The following COL11A2 variants were observed in gnomAD, a reference collection of about 807,000 sequenced individuals.
COL11A2 encodes collagen type XI alpha 2 chain, also known as collagen alpha-2(XI) chain.
A neutral mutation model predicts 273.4 loss-of-function variants in COL11A2; 116 were observed. The observed-to-expected ratio is 0.42, with a 90% confidence interval of 0.36 to 0.49. COL11A2 has a LOEUF of 0.49. Among genes scored for constraint, COL11A2 ranks in the 20% least tolerant of loss-of-function variants. The pLI, the probability that COL11A2 is intolerant of heterozygous loss-of-function variation, is 0.00. For synonymous variants in COL11A2, 782 were observed against 864.2 expected (o/e 0.90, Z 1.67); for missense variants, 1,866 against 2,309.0 (o/e 0.81, Z 3.93).
rs1771231847 is a variant in COL11A2, at chr6:33,178,435, C to T, written c.1773G>A (p.Arg591=). The T allele has an allele frequency of 3.7e-6, 6 of 1,612,760 alleles. No individual in the cohort carries two copies. The highest frequency in any genetic ancestry group is 1.1e-5 in the South Asian group (1 of 91,080). The part of the protein sequence containing the change: ...LPGPPGEDGE[R]GDDGEIGPRG... ...CCCCTACATTTGCCACTACACTTAC[C>T]CTCTCTCCATCCTCACCAGGGGGAC... The change falls in exon 19 of 66, where the codon AGG becomes AGA. Residue 591 remains arginine, a splice_region_variant and synonymous_variant. Coordinates refer to ENST00000341947, the MANE Select transcript of COL11A2 (RefSeq NM_080680.3). This position sits in a 1 kb window ranked among gnomAD's most constrained non-coding sequence, Gnocchi z 4.6.
At position 33,173,627 on chromosome 6, in the gene COL11A2, G is replaced by T; in HGVS notation, c.2629-72C>A. 7.0e-7 allele frequency: 1 copy of T among 1,428,046 alleles called. No individual in the cohort carries two copies. Among genetic ancestry groups the T allele is most frequent in the Non-Finnish European group, 9.8e-7 (1 of 1,020,164 alleles). 88.5% of individuals were successfully genotyped at this position (1,428,046 alleles called of 1,614,324 possible). On this transcript the variant is annotated intron_variant, in intron 35 of 65. Coordinates refer to ENST00000341947, the MANE Select transcript of COL11A2 (RefSeq NM_080680.3). This position sits in a 1 kb window ranked among gnomAD's most constrained non-coding sequence, Gnocchi z 6.3. ...AGTGGGGGAACTCAGCTTCCTTCCTGGGGTGAGGAGGGAGCTGGCTCACCC... is the reference window on the plus strand; with the variant it reads ...AGTGGGGGAACTCAGCTTCCTTCCTTGGGTGAGGAGGGAGCTGGCTCACCC...
chr6:33,176,541 G>C lies in COL11A2; in HGVS notation c.2116-55C>G, dbSNP rs1013483776. On this transcript the variant is annotated intron_variant, in intron 26 of 65. Transcript: ENST00000341947. This position sits in a 1 kb window ranked among gnomAD's most constrained non-coding sequence, Gnocchi z 4.9. ...GGGGCCTCAGAGTGTCACTGTGGGGGCCTCCAGGGGTGGAAGAAATGGAAG... is the reference window on the plus strand; with the variant it reads ...GGGGCCTCAGAGTGTCACTGTGGGGCCCTCCAGGGGTGGAAGAAATGGAAG... The C allele has an allele frequency of 7.9e-6, 12 of 1,528,304 alleles. No individual in the cohort carries two copies. The African/African-American group carries it at 1.5e-4, about 19-fold the overall frequency. 94.7% of individuals were successfully genotyped at this position (1,528,304 alleles called of 1,614,324 possible).
chr6:33,189,024 G>C lies in COL11A2; in HGVS notation c.397C>G (p.Pro133Ala). Residue 133 changes from proline to alanine, a missense_variant, in exon 3 of 66, where the codon CCT becomes GCT. By Grantham distance (27) the Pro-to-Ala change is conservative. Coordinates refer to ENST00000341947, the MANE Select transcript of COL11A2 (RefSeq NM_080680.3). This position sits in a 1 kb window ranked among gnomAD's most constrained non-coding sequence, Gnocchi z 5.6. ...CCTCGGAAGACTGGCTGAGAGGGAG[G>C]TTGAGGCCGCCCAGTCTGGTCTTCA... The part of the protein sequence containing the change: ...LYEDQTGRPQ[P>A]PSQPVFRGLS... 6.2e-7 allele frequency: 1 copy of C among 1,614,208 alleles called. No individual in the cohort carries two copies. Among genetic ancestry groups the C allele is most frequent in the Non-Finnish European group, 8.5e-7 (1 of 1,180,026 alleles).
At position 33,164,230 on chromosome 6, in the gene COL11A2, T is replaced by G; in HGVS notation, c.5070+37A>C. On this transcript the variant is annotated intron_variant, in intron 65 of 65. Transcript: ENST00000341947. This position sits in a 1 kb window ranked among gnomAD's most constrained non-coding sequence, Gnocchi z 4.7. The stretch of plus-strand genomic sequence containing the variant: ...CCACCTCCTTCCTCCAGCCTGAGTC[T>G]GAGATCAGCCCCCAACCCAGCTCTT... The G allele has an allele frequency of 6.2e-7, 1 of 1,609,726 alleles. No individual in the cohort carries two copies. The highest frequency in any genetic ancestry group is 8.5e-7 in the Non-Finnish European group (1 of 1,178,000).
intron 11 of COL11A2, 78 bp from the exon 12 acceptor site, chr6:33,180,410 C>G: frequency 1.6e-6 from 2 of 1,272,056 alleles, no homozygotes; most frequent in Non-Finnish European, 2.3e-6. Flanking sequence ...TTGAAATATC[C>G]TCTTCAACAG....
rs777145302 is a variant in COL11A2 at position 33,178,515 on chromosome 6, G to A, written c.1720-27C>T. ...TGCAAAATGGGGGAACTCATAAGAG[G>A]GGCTTCAGAGCCCCCAACACAGGCA... On this transcript the variant is annotated intron_variant, in intron 18 of 65. Transcript: ENST00000341947. The surrounding 1 kb of genome is among the most constrained non-coding windows in gnomAD (Gnocchi z 4.6). 2 of 1,612,808 alleles carry A rather than the reference G, an allele frequency of 1.2e-6. No homozygotes were observed. Among genetic ancestry groups the A allele is most frequent in the Non-Finnish European group, 1.7e-6 (2 of 1,179,892 alleles).
In COL11A2 at chr6:33,169,558, C is replaced by T; in HGVS notation, c.3691-68G>A. The T allele has an allele frequency of 6.8e-7, 1 of 1,475,362 alleles. No homozygotes were observed. The highest frequency in any genetic ancestry group is 2.3e-5 in the East Asian group (1 of 43,688). 91.4% of individuals were successfully genotyped at this position (1,475,362 alleles called of 1,614,324 possible). ...AAGATCAGGGATGCAGCCTCTGCTT[C>T]CGAGACACCTTCAGCCATCCCCTAC... is the stretch of plus-strand genomic sequence containing the variant. On this transcript the variant is annotated intron_variant, in intron 50 of 65. Transcript: ENST00000341947. The surrounding 1 kb of genome is among the most constrained non-coding windows in gnomAD (Gnocchi z 5.5).
intron 31 of COL11A2, 150 bp from the exon 32 acceptor site, chr6:33,174,368 G>C: frequency 7.3e-7 from 1 of 1,379,176 alleles, no homozygotes. Context: ...AACCCCTGCT[G>C]CTCTCTGGGC....
Position 33,166,329 on chromosome 6 carries a change from G to A in COL11A2, c.4393-123C>T. The A allele has an allele frequency of 3.8e-6, 5 of 1,304,102 alleles. No individual in the cohort carries two copies. Among genetic ancestry groups the A allele is most frequent in the South Asian group, 1.4e-5 (1 of 71,896 alleles). 80.8% of individuals were successfully genotyped at this position (1,304,102 alleles called of 1,614,324 possible). On this transcript the variant is annotated intron_variant, in intron 60 of 65. Coordinates refer to ENST00000341947, the MANE Select transcript of COL11A2 (RefSeq NM_080680.3). The surrounding 1 kb of genome is among the most constrained non-coding windows in gnomAD (Gnocchi z 4.8). The stretch of plus-strand genomic sequence containing the variant: ...GTTACTACAGGAGGGGCAGTCTTGT[G>A]GGAATACTAGGACATTCAGAGCCCT...
At chr6:33,185,619 G>A in intron 6 of COL11A2, 82 bp downstream of exon 6, 1 of 561,752 alleles carries the variant, frequency 1.8e-6, no homozygotes, top group Non-Finnish European at 3.5e-6. Flanking sequence ...ACGGCATGGG[G>A]GAGGGGAGGA....
At chr6:33,188,913 G>A in intron 3 of COL11A2, 65 bp downstream of exon 3, 2 of 1,559,912 alleles carry the variant, frequency 1.3e-6, no homozygotes, top group Non-Finnish European at 1.8e-6. Flanking sequence ...TTAGAGTGTA[G>A]GGGTTTGGGG....
rs1291281836 is a variant in COL11A2, at chr6:33,178,813, G to T, written c.1666-81C>A. On this transcript the variant is annotated intron_variant, in intron 17 of 65. Coordinates refer to ENST00000341947, the MANE Select transcript of COL11A2 (RefSeq NM_080680.3). This position sits in a 1 kb window ranked among gnomAD's most constrained non-coding sequence, Gnocchi z 4.6. ...TCCCTACTGCACCCTGAGCTGGGGGGGTGCTGATCCTGGGGAAGCCTGGAG... is the reference window on the plus strand; with the variant it reads ...TCCCTACTGCACCCTGAGCTGGGGGTGTGCTGATCCTGGGGAAGCCTGGAG... 2.2e-5 allele frequency: 35 copies of T among 1,606,358 alleles called. No individual in the cohort carries two copies. Among genetic ancestry groups the T allele is most frequent in the Non-Finnish European group, 3.0e-5 (35 of 1,174,276 alleles).
intron 8 of COL11A2, among the ~76,000 whole-genome samples, chr6:33,183,009 A>G (rs1771919484): frequency 6.6e-6 from 1 of 152,176 alleles, no homozygotes; most frequent in Non-Finnish European, 1.5e-5. Flanking sequence ...CCCAGAGAGC[A>G]GCATAAAGGA....
At position 33,173,778 on chromosome 6, in the gene COL11A2, G is replaced by A; in HGVS notation, c.2584-33C>T. 6.2e-7 allele frequency: 1 copy of A among 1,607,088 alleles called. No homozygotes were observed. Among genetic ancestry groups the A allele is most frequent in the Non-Finnish European group, 8.5e-7 (1 of 1,174,778 alleles). ...GGGAAACAGAGTCAAGGAGTGGGAAGAGCTGCTTTCCAGCTGTCCCCGAGG... is the reference window on the plus strand; with the variant it reads ...GGGAAACAGAGTCAAGGAGTGGGAAAAGCTGCTTTCCAGCTGTCCCCGAGG... On this transcript the variant is annotated intron_variant, in intron 34 of 65. Transcript: ENST00000341947. This position sits in a 1 kb window ranked among gnomAD's most constrained non-coding sequence, Gnocchi z 6.3.
Position 33,178,949 on chromosome 6 carries a change from G to A in COL11A2, c.1636C>T (p.Arg546Ter), listed in dbSNP as rs149697159. The change falls in exon 17 of 66, where the codon CGA becomes TGA. Residue 546 changes from arginine (R) to a stop codon, truncating the protein, a stop_gained. Coordinates refer to ENST00000341947, the MANE Select transcript of COL11A2 (RefSeq NM_080680.3). LOFTEE classifies it high-confidence loss of function. This position sits in a 1 kb window ranked among gnomAD's most constrained non-coding sequence, Gnocchi z 4.6. Reference sequence around the variant, plus strand: ...ACTCCAGGATCTCCAGGCATCCCTCGGGCTCCATCAGCACCTGCCCGGCCC... The same window carrying A: ...ACTCCAGGATCTCCAGGCATCCCTCAGGCTCCATCAGCACCTGCCCGGCCC... ...RRGRAGADGARGMPGDPGVKG... is the reference protein window; with the variant it reads ...RRGRAGADGA 5 of 1,614,034 alleles carry A rather than the reference G, an allele frequency of 3.1e-6. No individual in the cohort carries two copies. Among genetic ancestry groups the A allele is most frequent in the Non-Finnish European group, 3.4e-6 (4 of 1,179,992 alleles).
intron 38 of COL11A2, among the ~76,000 whole-genome samples, 187 bp downstream of exon 38, chr6:33,172,873 G>A (rs956266739): frequency 1.3e-5 from 2 of 152,112 alleles, no homozygotes; most frequent in African/African-American, 2.4e-5. Flanking sequence ...GGGACAAGAC[G>A]ATGAGAATGC....
At position 33,167,601 on chromosome 6, in the gene COL11A2, C is replaced by A; in HGVS notation, c.4015-68G>T. On this transcript the variant is annotated intron_variant, in intron 55 of 65. Transcript: ENST00000341947. The surrounding 1 kb of genome is among the most constrained non-coding windows in gnomAD (Gnocchi z 6.1). The stretch of plus-strand genomic sequence containing the variant: ...GGGGTGTGGGCAGGGGGCAGAGGGT[C>A]CAAGGTGGGAGGCAGGAGGCAGGGA... 6.3e-7 allele frequency: 1 copy of A among 1,576,586 alleles called. No homozygotes were observed. The highest frequency in any genetic ancestry group is 1.7e-5 in the Admixed American group (1 of 57,880).
In COL11A2 at chr6:33,190,954, A is replaced by G. The variant is rs557445396; in HGVS notation, c.82+1205T>C. Among the ~76,000 whole-genome samples the G allele has an allele frequency of 1.3e-5, 2 of 152,066 alleles. No homozygotes were observed. Among genetic ancestry groups the G allele is most frequent in the South Asian group, 4.2e-4 (2 of 4,808 alleles). On this transcript the variant is annotated intron_variant, in intron 1 of 65. Transcript: ENST00000341947. The surrounding 1 kb of genome is among the most constrained non-coding windows in gnomAD (Gnocchi z 4.5). ...CCCTGTATCCAGCCTCATCTGCCCC[A>G]CAGGCTCTCCACTGGTAGCCCCATT...
At position 33,169,716 on chromosome 6, in the gene COL11A2, A is replaced by T. The variant is rs1404364156; in HGVS notation, c.3690+115T>A. 7.5e-7 allele frequency: 1 copy of T among 1,336,492 alleles called. No individual in the cohort carries two copies. The highest frequency in any genetic ancestry group is 1.4e-5 in the African/African-American group (1 of 69,320). The allele number at this position is 1,336,492 out of a possible 1,614,324, so 82.8% of individuals were successfully genotyped here. On this transcript the variant is annotated intron_variant, in intron 50 of 65. Transcript: ENST00000341947. The surrounding 1 kb of genome is among the most constrained non-coding windows in gnomAD (Gnocchi z 5.5). ...TCAGGCCTCATAGAGGATGGCAGGG[A>T]GCAGAGACTCTTGCTGCAGAGGAGT...
Sources: allele counts gnomAD v4.1 joint callset (sites outside exome capture counted in the v4.1 genomes callset), GRCh38; gene constraint gnomAD v4.1.1; non-coding constraint Gnocchi (gnomAD v3.1); transcripts MANE v1.5; gene names NCBI Gene and HGNC (gene_info 2026-07-23, HGNC 2026-07-21).